ZNF423: variants seen among roughly 807,000 people sequenced by gnomAD.
ZNF423 encodes the protein Ebf-associated zinc finger protein.
A neutral mutation model predicts 95.8 loss-of-function variants in ZNF423; 12 were observed. That is an observed-to-expected ratio of 0.13 (90% CI 0.08 to 0.20). The LOEUF (loss-of-function observed/expected upper bound fraction) is 0.20, where lower values mean the gene tolerates loss of function less well. Ranked by LOEUF, ZNF423 falls within the 10% of genes least tolerant of loss-of-function variation. The probability of loss-of-function intolerance (pLI) is 1.00; values close to 1 mark genes in which losing one functional copy is unlikely to be tolerated. For missense variants in ZNF423, 1,316 were observed against 1,737.1 expected (o/e 0.76, Z 4.31); for synonymous variants, 749 against 711.9 (o/e 1.05, Z -0.83).
At chr16:49,581,731 C>T (rs769657161) in intron 5 of ZNF423, among the ~76,000 whole-genome samples, 5 of 152,158 alleles carry the variant, frequency 3.3e-5, no homozygotes, top group Admixed American at 2.0e-4. Context: ...TTCGTTTCCC[C>T]GTTTCTCTTT....
intron 5 of ZNF423, among the ~76,000 whole-genome samples, chr16:49,560,571 C>T (rs902413093): frequency 2.6e-5 from 4 of 152,212 alleles, no homozygotes; most frequent in East Asian, 3.8e-4. Flanking sequence ...GTCTGGGCTT[C>T]GTGCTATCGT....
rs545977248 is a variant in ZNF423, at chr16:49,855,511, T to TCCGCCGCCGCCGCCGCCGCCGCCG, written c.40+200_40+223dup. On this transcript the variant is annotated intron_variant, in intron 1 of 7. Transcript: ENST00000563137. The surrounding 1 kb of genome is among the most constrained non-coding windows in gnomAD (Gnocchi z 4.7). ...GGGAGGGTGTCCGCGGCGTACCCCC[T>TCCGCCGCCGCCGCCGCCGCCGCCG]CCGCCGCCGCCGCCGCCGCCGCCGC... 1.4e-5 allele frequency among the ~76,000 whole-genome samples: 2 copies of TCCGCCGCCGCCGCCGCCGCCGCCG among 143,842 alleles called. No homozygotes were observed. Among genetic ancestry groups the TCCGCCGCCGCCGCCGCCGCCGCCG allele is most frequent in the African/African-American group, 5.3e-5 (2 of 37,942 alleles). 94.4% of individuals were successfully genotyped at this position (143,842 alleles called of 152,430 possible).
intron 3 of ZNF423, among the ~76,000 whole-genome samples, chr16:49,641,416 A>T (rs932569219): frequency 1.3e-5 from 2 of 152,222 alleles, no homozygotes; most frequent in Admixed American, 1.3e-4. Flanking sequence ...GGGCTGGCCC[A>T]TGATTTGCAT....
Position 49,738,557 on chromosome 16 carries a change from A to G in ZNF423, c.101-7586T>C, listed in dbSNP as rs112912609. ...TGCATGGCCACTATGAGACAGGCAC[A>G]CAGCTCAGCTCCACATCAGGGGATA... On this transcript the variant is annotated intron_variant, in intron 2 of 7. Coordinates refer to ENST00000563137, the MANE Select transcript of ZNF423 (RefSeq NM_001379286.1). 1.1e-4 allele frequency among the ~76,000 whole-genome samples: 16 copies of G among 152,290 alleles called. 1 individual carries two copies. The highest frequency in any genetic ancestry group is 3.8e-4 in the African/African-American group (16 of 41,566).
At chr16:49,857,316 G>GGCGGCA (rs1190108743), upstream of ZNF423, among the ~76,000 whole-genome samples, 1 of 149,142 alleles carries the variant, frequency 6.7e-6, no homozygotes, top group Admixed American at 6.6e-5. This position sits in a 1 kb window ranked among gnomAD's most constrained non-coding sequence, Gnocchi z 6.2. Flanking sequence ...TGGCGGCGGC[G>GGCGGCA]GCGGCGGCGG....
At position 49,605,476 on chromosome 16, in the gene ZNF423, G is replaced by C. The variant is rs1420675; in HGVS notation, c.3601+20694C>G. 3.2e-4 allele frequency among the ~76,000 whole-genome samples: 49 copies of C among 152,248 alleles called. 2 individuals carry two copies. In the East Asian group the frequency reaches 9.3e-3, roughly 29 times the overall value. On this transcript the variant is annotated intron_variant, in intron 5 of 7. Coordinates refer to ENST00000563137, the MANE Select transcript of ZNF423 (RefSeq NM_001379286.1). ...TTTCTTGGCTTCAACAGAGCAGCAA[G>C]CCCCTTCTAGACACTGCTCCAAACA...
rs200959271 is a variant in ZNF423, at chr16:49,637,770, C to T, written c.1406G>A (p.Arg469His). ...GTAGGCATGGTTCTTGTGCAGCTTG[C>T]GAACGTGCTCGTTGAGGTTGTAGAG... ...PTLYNLNEHV[R>H]KLHKNHAYPV... Residue 469 changes from arginine (R) to histidine (H), a missense_variant, in exon 4 of 8, where the codon CGC becomes CAC. This residue lies in a region of ZNF423 where 399 missense variants were observed against 478.5 expected (regional missense o/e 0.83). Transcript: ENST00000563137. This position sits in a 1 kb window ranked among gnomAD's most constrained non-coding sequence, Gnocchi z 5.6. 26 of 1,613,932 alleles carry T rather than the reference C, an allele frequency of 1.6e-5. No homozygotes were observed. The highest frequency in any genetic ancestry group is 5.3e-5 in the African/African-American group (4 of 74,902).
intron 3 of ZNF423, among the ~76,000 whole-genome samples, chr16:49,705,853 G>C (rs1395331366): frequency 1.3e-5 from 2 of 152,206 alleles, no homozygotes; most frequent in East Asian, 3.9e-4. Flanking sequence ...CGGCCCCACA[G>C]TAAGTTTATA....
At chr16:49,640,992 G>A in intron 3 of ZNF423, 1 of 151,224 alleles carries the variant, frequency 6.6e-6, no homozygotes, top group South Asian at 2.1e-4. Flanking sequence ...CTGGGGCCAG[G>A]GGACCTACTC....
chr16:49,518,604 C>T lies in ZNF423; in HGVS notation c.3849+5020G>A, dbSNP rs1045312787. 3 of 421,090 alleles carry T rather than the reference C, an allele frequency of 7.1e-6. No individual in the cohort carries two copies. In the Admixed American group the frequency reaches 9.4e-5, roughly 13 times the overall value. The allele number at this position is 421,090 out of a possible 1,614,324, so 26.1% of individuals were successfully genotyped here. Reference sequence around the variant, plus strand: ...CCATTGCAAAAAAAAAAAAAAGTCTCCCCTATTTCTTCCCTGCAACTCCGA... The same window carrying T: ...CCATTGCAAAAAAAAAAAAAAGTCTTCCCTATTTCTTCCCTGCAACTCCGA... On this transcript the variant is annotated intron_variant, in intron 7 of 7. Coordinates refer to ENST00000563137, the MANE Select transcript of ZNF423 (RefSeq NM_001379286.1).
At position 49,638,525 on chromosome 16, in the gene ZNF423, G is replaced by A. The variant is rs761474474; in HGVS notation, c.651C>T (p.Leu217=). The change falls in exon 4 of 8, where the codon CTC becomes CTT. Residue 217 remains leucine (L), a synonymous_variant. Coordinates refer to ENST00000563137, the MANE Select transcript of ZNF423 (RefSeq NM_001379286.1). This position sits in a 1 kb window ranked among gnomAD's most constrained non-coding sequence, Gnocchi z 5.6. ...CEAAFSRSDH[L]KIHLKTHSSS... ...AGCTGTGGGTCTTCAGGTGGATCTT[G>A]AGGTGGTCGCTGCGGGAGAAGGCTG... The A allele has an allele frequency of 1.9e-6, 3 of 1,613,848 alleles. 1 individual carries two copies. In the South Asian group the frequency reaches 3.3e-5, roughly 18 times the overall value.
At chr16:49,537,448 A>C (rs570671330) in intron 5 of ZNF423, among the ~76,000 whole-genome samples, 1 of 152,328 alleles carries the variant, frequency 6.6e-6, no homozygotes, top group African/African-American at 2.4e-5. Context: ...GCTGTGACCC[A>C]AGTAAAATGA....
intron 5 of ZNF423, among the ~76,000 whole-genome samples, chr16:49,609,869 C>T (rs999045699): frequency 3.3e-5 from 5 of 152,038 alleles, no homozygotes; most frequent in Non-Finnish European, 7.4e-5. Flanking sequence ...CAAGGAAATC[C>T]ACACCAAGAC....
intron 6 of ZNF423, among the ~76,000 whole-genome samples, chr16:49,524,398 C>T (rs796851232): frequency 1.9e-4 from 29 of 152,304 alleles, no homozygotes; most frequent in African/African-American, 5.5e-4. Flanking sequence ...GGTTGGCAGA[C>T]GGGCAGCTGG....
intron 5 of ZNF423, among the ~76,000 whole-genome samples, chr16:49,581,709 C>A (rs748078631): frequency 1.3e-5 from 2 of 152,272 alleles, no homozygotes; most frequent in South Asian, 2.1e-4. Flanking sequence ...TTTGTTCAAA[C>A]GAAATAATAT....
intron 4 of ZNF423, among the ~76,000 whole-genome samples, chr16:49,629,925 G>A (rs536395855): frequency 6.6e-6 from 1 of 152,306 alleles, no homozygotes; most frequent in South Asian, 2.1e-4. Flanking sequence ...CTAAGAAAAT[G>A]CTGCTTGAAC....
chr16:49,643,784 T>C (rs1973064677), intron 3 of ZNF423, among the ~76,000 whole-genome samples: 1 of 152,146 alleles, frequency 6.6e-6, no homozygotes, highest in Non-Finnish European at 1.5e-5. Flanking sequence ...AGGCTTTTGC[T>C]GTCTGCTGCA....
chr16:49,809,438 C>T (rs1020865425), intron 1 of ZNF423, among the ~76,000 whole-genome samples: 1 of 152,204 alleles, frequency 6.6e-6, no homozygotes, highest in Admixed American at 6.5e-5. Context: ...ATCTCCCCAC[C>T]CAGGCAGAGA....
rs1041102957 is a variant in ZNF423 at position 49,637,829 on chromosome 16, G to A, written c.1347C>T (p.His449=). ...TGGAGTCCAGGCAGATCTGACATGTGTGGCTCTGCTGGGGCTTGTCCGCGT... is the reference window on the plus strand; with the variant it reads ...TGGAGTCCAGGCAGATCTGACATGTATGGCTCTGCTGGGGCTTGTCCGCGT... ...TIHADKPQQS[H]TCQICLDSMP... is the part of the protein sequence containing the mutation. Residue 449 remains histidine, a synonymous_variant, in exon 4 of 8, where the codon CAC becomes CAT. Transcript: ENST00000563137. This position sits in a 1 kb window ranked among gnomAD's most constrained non-coding sequence, Gnocchi z 5.6. 20 of 1,614,102 alleles carry A rather than the reference G, an allele frequency of 1.2e-5. No individual in the cohort carries two copies. The highest frequency in any genetic ancestry group is 8.0e-5 in the African/African-American group (6 of 74,930).
Sources: gnomAD v4.1 joint callset for allele counts (sites outside exome capture counted in the v4.1 genomes callset) on GRCh38, gnomAD v4.1.1 for gene constraint, gnomAD v4.1.1 regional missense constraint, Gnocchi (gnomAD v3.1) non-coding constraint, MANE v1.5 for transcripts, NCBI Gene and HGNC (gene_info 2026-07-23, HGNC 2026-07-21) for gene names.